RPGRIP1: variants seen among roughly 807,000 people sequenced by gnomAD.
The protein encoded by RPGRIP1 is RPGR interacting protein 1.
In RPGRIP1, 128 loss-of-function variants were observed where a neutral mutation model predicts 157.9. The ratio of observed to expected loss-of-function variants is 0.81; its 90% CI spans 0.70 to 0.94. The LOEUF is 0.94. Among genes scored for constraint, RPGRIP1 ranks in the 40% least tolerant of loss-of-function variants. RPGRIP1 has a pLI of 0.00. For missense variants in RPGRIP1, 1,486 were observed against 1,545.8 expected (o/e 0.96, Z 0.65); for synonymous variants, 554 against 571.6 (o/e 0.97, Z 0.44).
At chr14:21,290,159 T>C (rs550482169) in intron 2 of RPGRIP1, among the ~76,000 whole-genome samples, 2 of 152,124 alleles carry the variant, frequency 1.3e-5, no homozygotes, top group African/African-American at 4.8e-5. Flanking sequence ...ACCTGGCCCC[T>C]GTTTTTATTT....
At chr14:21,280,241 C>CTTTTTTTTTTT (rs35642254) in intron 1 of RPGRIP1, among the ~76,000 whole-genome samples, 82 bp downstream of exon 1, 1 of 109,360 alleles carries the variant, frequency 9.1e-6, no homozygotes. Context: ...TAAGTTTATT[C>CTTTTTTTTTTT]TTTTTTTTTT....
rs866277722 is a variant in RPGRIP1, at chr14:21,301,214, C to T, written c.467C>T (p.Pro156Leu). ...GHRQLHTAGA[P>L]VPEKPKRGPR... ...AGACAGCTCCACACAGCCGGTGCAC[C>T]GGTGCCGGAGAAACCCAAGAGGGGT... The change falls in exon 4 of 25, where the codon CCG becomes CTG. Residue 156 changes from proline (P) to leucine (L), a missense_variant. Pro to Leu is a moderately conservative substitution (Grantham distance 98, BLOSUM62 -3). Transcript: ENST00000400017. 2 of 1,591,328 alleles carry T rather than the reference C, an allele frequency of 1.3e-6. No individual in the cohort carries two copies. The highest frequency in any genetic ancestry group is 1.8e-5 in the Admixed American group (1 of 56,096).
At chr14:21,296,931 G>A (rs1307429868) in intron 3 of RPGRIP1, among the ~76,000 whole-genome samples, 6 of 147,062 alleles carry the variant, frequency 4.1e-5, no homozygotes, top group East Asian at 2.0e-4. Flanking sequence ...CAGCCTGGGC[G>A]ACAAGAGCAA....
chr14:21,318,354 C>T (rs1331886224), intron 11 of RPGRIP1, among the ~76,000 whole-genome samples: 1 of 152,082 alleles, frequency 6.6e-6, no homozygotes, highest in Non-Finnish European at 1.5e-5. Flanking sequence ...TCAGATGATC[C>T]ACCAGCCTCA....
intron 3 of RPGRIP1, among the ~76,000 whole-genome samples, chr14:21,299,073 T>A (rs1594171444): frequency 6.7e-6 from 1 of 149,668 alleles, no homozygotes; most frequent in East Asian, 2.0e-4. Context: ...TGGAGTGCAA[T>A]GGCGTGATCT....
At chr14:21,281,367 T>C (rs1880119136) in intron 1 of RPGRIP1, among the ~76,000 whole-genome samples, 1 of 151,926 alleles carries the variant, frequency 6.6e-6, no homozygotes, top group South Asian at 2.1e-4. Context: ...TGCTCATCAA[T>C]TTTTTGTGTT....
Position 21,307,797 on chromosome 14 carries a change from A to G in RPGRIP1, c.867A>G (p.Ser289=). 1 of 1,568,274 alleles carries G rather than the reference A, an allele frequency of 6.4e-7. No individual in the cohort carries two copies. The highest frequency in any genetic ancestry group is 8.6e-7 in the Non-Finnish European group (1 of 1,156,514). ...AGCTCTTACATGAAAGAAATGCTTCATTGGTTATGACAAAAGCACAATTAA... is the reference window on the plus strand; with the variant it reads ...AGCTCTTACATGAAAGAAATGCTTCGTTGGTTATGACAAAAGCACAATTAA... ...LKKLLHERNA[S]LVMTKAQLTE... is the part of the protein sequence containing the mutation. Residue 289 remains serine, a synonymous_variant, in exon 7 of 25, where the codon TCA becomes TCG. Transcript: ENST00000400017.
intron 22 of RPGRIP1, among the ~76,000 whole-genome samples, chr14:21,344,261 A>C (rs1212616822): frequency 6.6e-6 from 1 of 152,094 alleles, no homozygotes; most frequent in East Asian, 1.9e-4. Context: ...TATTTTTTGC[A>C]GCAATTTTTC....
intron 12 of RPGRIP1, 90 bp downstream of exon 12, chr14:21,320,267 T>TA: frequency 8.4e-7 from 1 of 1,186,310 alleles, no homozygotes; most frequent in Non-Finnish European, 1.2e-6. Context: ...GAAAACTAAC[T>TA]AAATAATATT....
At chr14:21,321,759 A>G (rs1246975979) in intron 13 of RPGRIP1, 95 bp from the exon 14 acceptor site, 3 of 1,218,864 alleles carry the variant, frequency 2.5e-6, no homozygotes, top group Non-Finnish European at 3.4e-6. Flanking sequence ...CCAGCTAAGG[A>G]TAGCAGTCTT....
chr14:21,281,704 A>AAATAATAATAAT (rs59116272), intron 1 of RPGRIP1, among the ~76,000 whole-genome samples: 4,206 of 133,914 alleles, frequency 0.031, 84 homozygotes, highest in Middle Eastern at 0.052. Context: ...AAAAAAAAAT[A>AAATAATAATAAT]AATAATAATA....
intron 6 of RPGRIP1, among the ~76,000 whole-genome samples, chr14:21,305,094 G>A (rs947453221): frequency 2.6e-5 from 4 of 152,124 alleles, no homozygotes; most frequent in Admixed American, 6.6e-5. Flanking sequence ...AAGCCACTGC[G>A]CCTGGCCGGT....
chr14:21,311,834 TCCTGAGTGCAGC>T lies in RPGRIP1; in HGVS notation c.944_955del (p.Leu315_Ala318del). ...TTCCTTTTGACCCAGAATCAGGGAA[TCCTGAGTGCAGC>T]CCATGAGGCCCTCCTCAAGCAAGTG... is the stretch of plus-strand genomic sequence containing the variant. On this transcript the variant is annotated inframe_deletion, in exon 9 of 25. Coordinates refer to ENST00000400017, the MANE Select transcript of RPGRIP1 (RefSeq NM_020366.4). The T allele has an allele frequency of 6.2e-7, 1 of 1,602,030 alleles. No homozygotes were observed. Among genetic ancestry groups the T allele is most frequent in the Non-Finnish European group, 8.5e-7 (1 of 1,175,938 alleles).
chr14:21,308,259 C>T (rs1350140609), intron 7 of RPGRIP1, among the ~76,000 whole-genome samples: 1 of 152,168 alleles, frequency 6.6e-6, no homozygotes, highest in Non-Finnish European at 1.5e-5. Flanking sequence ...TTTTTTAAGC[C>T]TGACAACAGC....
intron 24 of RPGRIP1, among the ~76,000 whole-genome samples, chr14:21,349,036 A>C: frequency 7.0e-6 from 1 of 142,466 alleles, no homozygotes; most frequent in East Asian, 2.1e-4. Context: ...TATCCATTCT[A>C]CTTGTGAATT....
intron 6 of RPGRIP1, among the ~76,000 whole-genome samples, chr14:21,307,274 C>T (rs1881356805): frequency 6.6e-6 from 1 of 151,628 alleles, no homozygotes; most frequent in Admixed American, 6.6e-5. Flanking sequence ...GGCTGGTCTC[C>T]AACTCCTGAC....
At chr14:21,342,931 C>A in intron 21 of RPGRIP1, 105 bp from the exon 22 acceptor site, 2 of 771,624 alleles carry the variant, frequency 2.6e-6, no homozygotes, top group Admixed American at 2.5e-5. Flanking sequence ...TAGATTATAC[C>A]TATGGTTGAT....
intron 10 of RPGRIP1, among the ~76,000 whole-genome samples, chr14:21,312,740 G>A (rs1016008122): frequency 7.3e-5 from 11 of 151,262 alleles, no homozygotes; most frequent in Non-Finnish European, 1.2e-4. Flanking sequence ...CCAGGCTGGA[G>A]TGCAGTGGTG....
chr14:21,317,471 C>T (rs1881883518), intron 10 of RPGRIP1: 1 of 1,101,978 alleles, frequency 9.1e-7, no homozygotes, highest in Non-Finnish European at 1.3e-6. Flanking sequence ...TTTGCTCAGT[C>T]AGATATCTGA....
Sources: gnomAD v4.1 joint callset for allele counts (sites outside exome capture counted in the v4.1 genomes callset) on GRCh38, gnomAD v4.1.1 for gene constraint, MANE v1.5 for transcripts, NCBI Gene and HGNC (gene_info 2026-07-23, HGNC 2026-07-21) for gene names.